The following SMIM28 variants were observed in gnomAD, a reference collection of about 807,000 sequenced individuals.
The protein encoded by SMIM28 is small integral membrane protein 28.
intron 1 of SMIM28, among the ~76,000 whole-genome samples, chr6:138,379,272 T>C (rs1024876943): frequency 6.6e-6 from 1 of 152,202 alleles, no homozygotes; most frequent in South Asian, 2.1e-4. Flanking sequence ...CTAATGCCAC[T>C]TGCTATGTGG....
At chr6:138,381,750 A>T (rs995391620) in intron 1 of SMIM28, among the ~76,000 whole-genome samples, 1 of 152,214 alleles carries the variant, frequency 6.6e-6, no homozygotes, top group Non-Finnish European at 1.5e-5. Context: ...TTTGTTCCAG[A>T]ATTAAAGAAC....
chr6:138,382,629 C>T lies in SMIM28; in HGVS notation c.241C>T (p.Pro81Ser), dbSNP rs922244922. ...GTACCGCCGCTGCAAGTCCCCACCGCCCCAGGGGCAGGTGTTCAGCATTGA... is the reference window on the plus strand; with the variant it reads ...GTACCGCCGCTGCAAGTCCCCACCGTCCCAGGGGCAGGTGTTCAGCATTGA... ...FLYRRCKSPP[P>S]QGQVFSIDLP... is the part of the protein sequence containing the mutation. The change falls in exon 2 of 2, where the codon CCC (proline) becomes TCC (serine). Residue 81 changes from proline to serine, a missense_variant. Pro to Ser is a moderately conservative substitution (Grantham distance 74). Transcript: ENST00000573100. 5.0e-6 allele frequency: 2 copies of T among 398,630 alleles called. No homozygotes were observed. The highest frequency in any genetic ancestry group is 2.1e-5 in the African/African-American group (1 of 48,554). 24.7% of individuals were successfully genotyped at this position (398,630 alleles called of 1,614,324 possible). A position where few individuals can be genotyped will look rare whatever the true frequency, so the allele number is the denominator to read the frequency against.
chr6:138,383,099 A>G lies in SMIM28; in HGVS notation c.*252A>G, dbSNP rs2114744583. On this transcript the variant is annotated 3_prime_UTR_variant, in exon 2 of 2. Coordinates refer to ENST00000573100, the MANE Select transcript of SMIM28 (RefSeq NM_001368163.3). ...AGTTTCCCAGGTTCTTCTAAAGATG[A>G]CTGCACTCTCCTAAAATGTATAACA... 1 of 319,512 alleles carries G rather than the reference A, an allele frequency of 3.1e-6. No individual in the cohort carries two copies. Among genetic ancestry groups the G allele is most frequent in the Non-Finnish European group, 5.7e-6 (1 of 176,676 alleles). The allele number at this position is 319,512 out of a possible 1,614,324, so 19.8% of individuals were successfully genotyped here. A position where few individuals can be genotyped will look rare whatever the true frequency, so the allele number is the denominator to read the frequency against.
Position 138,377,974 on chromosome 6 carries a change from C to A in SMIM28, c.-99C>A. 1 of 397,392 alleles carries A rather than the reference C, an allele frequency of 2.5e-6. No individual in the cohort carries two copies. Among genetic ancestry groups the A allele is most frequent in the Non-Finnish European group, 4.4e-6 (1 of 225,742 alleles). The allele number at this position is 397,392 out of a possible 1,614,324, so 24.6% of individuals were successfully genotyped here. Reference sequence around the variant, plus strand: ...GACGAGTTTACCAACAGCCATCAGCCAAGCACATCCAAACTGGATCCAGGC... The same window carrying A: ...GACGAGTTTACCAACAGCCATCAGCAAAGCACATCCAAACTGGATCCAGGC... On this transcript the variant is annotated 5_prime_UTR_variant, in exon 1 of 2. Transcript: ENST00000573100.
rs1468866552 is a variant in SMIM28 at position 138,382,926 on chromosome 6, A to T, written c.*79A>T. On this transcript the variant is annotated 3_prime_UTR_variant, in exon 2 of 2. Coordinates refer to ENST00000573100, the MANE Select transcript of SMIM28 (RefSeq NM_001368163.3). ...CAAAACACAGCTCTCCACCTTTAAT[A>T]CAGCACCCATGAGAAGAGGGAGAAG... The T allele has an allele frequency of 1.3e-5, 5 of 397,322 alleles. No homozygotes were observed. The highest frequency in any genetic ancestry group is 2.2e-5 in the Non-Finnish European group (5 of 225,706). 24.6% of individuals were successfully genotyped at this position (397,322 alleles called of 1,614,324 possible).
chr6:138,383,116 T>G lies in SMIM28; in HGVS notation c.*269T>G, dbSNP rs1271434144. The G allele has an allele frequency of 1.1e-5, 3 of 283,864 alleles. No homozygotes were observed. Among genetic ancestry groups the G allele is most frequent in the African/African-American group, 2.2e-5 (1 of 45,204 alleles). The allele number at this position is 283,864 out of a possible 1,614,324, so 17.6% of individuals were successfully genotyped here. A position where few individuals can be genotyped will look rare whatever the true frequency, so the allele number is the denominator to read the frequency against. On this transcript the variant is annotated 3_prime_UTR_variant, in exon 2 of 2. Transcript: ENST00000573100. ...TAAAGATGACTGCACTCTCCTAAAA[T>G]GTATAACACTCCTGAGAAAAAAAGG...
rs1006212203 is a variant in SMIM28, at chr6:138,382,906, C to G, written c.*59C>G. ...AACTGCTCTTGGGAATCATACAAAA[C>G]ACAGCTCTCCACCTTTAATACAGCA... On this transcript the variant is annotated 3_prime_UTR_variant, in exon 2 of 2. Transcript: ENST00000573100. 7.5e-6 allele frequency: 3 copies of G among 398,366 alleles called. No homozygotes were observed. In the East Asian group the frequency reaches 1.1e-4, roughly 14 times the overall value. The allele number at this position is 398,366 out of a possible 1,614,324, so 24.7% of individuals were successfully genotyped here. A position where few individuals can be genotyped will look rare whatever the true frequency, so the allele number is the denominator to read the frequency against.
intron 1 of SMIM28, among the ~76,000 whole-genome samples, chr6:138,378,898 GA>G (rs563557010): frequency 6.6e-6 from 1 of 152,042 alleles, no homozygotes; most frequent in African/African-American, 2.4e-5. Context: ...ACATTTTACA[GA>G]AAAAAATACA....
chr6:138,378,046 T>C lies in SMIM28; in HGVS notation c.-27T>C. 5.0e-6 allele frequency: 2 copies of C among 398,706 alleles called. No homozygotes were observed. Among genetic ancestry groups the C allele is most frequent in the Non-Finnish European group, 8.8e-6 (2 of 226,240 alleles). 24.7% of individuals were successfully genotyped at this position (398,706 alleles called of 1,614,324 possible). On this transcript the variant is annotated 5_prime_UTR_variant, in exon 1 of 2. Coordinates refer to ENST00000573100, the MANE Select transcript of SMIM28 (RefSeq NM_001368163.3). Reference sequence around the variant, plus strand: ...AAATCTGGGCAGCAAGGTGGAAGGGTGGCCAGGGCATCAGCTGGATGAAAA... The same window carrying C: ...AAATCTGGGCAGCAAGGTGGAAGGGCGGCCAGGGCATCAGCTGGATGAAAA...
Position 138,378,177 on chromosome 6 carries a change from G to C in SMIM28, c.105G>C (p.Gln35His), listed in dbSNP as rs1329568725. The C allele has an allele frequency of 2.5e-6, 1 of 398,552 alleles. No individual in the cohort carries two copies. Among genetic ancestry groups the C allele is most frequent in the African/African-American group, 2.1e-5 (1 of 48,640 alleles). 24.7% of individuals were successfully genotyped at this position (398,552 alleles called of 1,614,324 possible). ...SEPGLPLLET[Q>H]LQGTQGVSST... The stretch of plus-strand genomic sequence containing the variant: ...CCGGCCTGCCTCTCCTGGAGACCCA[G>C]CTGCAGGTCTGTACTTATGACTTAA... Residue 35 changes from glutamine to histidine, a missense_variant, in exon 1 of 2, where the codon CAG becomes CAC. By Grantham distance (24) the Gln-to-His change is conservative. Transcript: ENST00000573100.
Position 138,383,145 on chromosome 6 carries a change from G to T in SMIM28, c.*298G>T. On this transcript the variant is annotated 3_prime_UTR_variant, in exon 2 of 2. Coordinates refer to ENST00000573100, the MANE Select transcript of SMIM28 (RefSeq NM_001368163.3). ...TAACACTCCTGAGAAAAAAAGGAAA[G>T]TTCTATGTGAGTTGAAAAAAAAAAA... 2 of 195,274 alleles carry T rather than the reference G, an allele frequency of 1.0e-5. No individual in the cohort carries two copies. Among genetic ancestry groups the T allele is most frequent in the Non-Finnish European group, 2.0e-5 (2 of 98,486 alleles). 12.1% of individuals were successfully genotyped at this position (195,274 alleles called of 1,614,324 possible). A position where few individuals can be genotyped will look rare whatever the true frequency, so the allele number is the denominator to read the frequency against.
chr6:138,383,170 A>C lies in SMIM28; in HGVS notation c.*323A>C, dbSNP rs1458228266. ...GTTCTATGTGAGTTGAAAAAAAAAA[A>C]AACACTTAATTACTAATGAGCACAG... On this transcript the variant is annotated 3_prime_UTR_variant, in exon 2 of 2. Coordinates refer to ENST00000573100, the MANE Select transcript of SMIM28 (RefSeq NM_001368163.3). The C allele has an allele frequency of 5.4e-6, 1 of 183,882 alleles. No homozygotes were observed. Among genetic ancestry groups the C allele is most frequent in the Non-Finnish European group, 1.1e-5 (1 of 89,658 alleles). The allele number at this position is 183,882 out of a possible 1,614,324, so 11.4% of individuals were successfully genotyped here. A position where few individuals can be genotyped will look rare whatever the true frequency, so the allele number is the denominator to read the frequency against.
chr6:138,380,854 AAAATC>A (rs1774304539), intron 1 of SMIM28, among the ~76,000 whole-genome samples: 1 of 152,156 alleles, frequency 6.6e-6, no homozygotes, highest in South Asian at 2.1e-4. Context: ...CCTTTCCACC[AAAATC>A]AAGGAGTGAA....
At chr6:138,378,466 A>G (rs1464283827) in intron 1 of SMIM28, among the ~76,000 whole-genome samples, 1 of 152,214 alleles carries the variant, frequency 6.6e-6, no homozygotes, top group Non-Finnish European at 1.5e-5. Flanking sequence ...CAGTCAACAG[A>G]GGTGTTACAA....
rs1038176179 is a variant in SMIM28 at position 138,378,051 on chromosome 6, A to C, written c.-22A>C. 14 of 398,786 alleles carry C rather than the reference A, an allele frequency of 3.5e-5. No individual in the cohort carries two copies. Among genetic ancestry groups the C allele is most frequent in the Non-Finnish European group, 6.2e-5 (14 of 226,286 alleles). The allele number at this position is 398,786 out of a possible 1,614,324, so 24.7% of individuals were successfully genotyped here. A position where few individuals can be genotyped will look rare whatever the true frequency, so the allele number is the denominator to read the frequency against. ...TGGGCAGCAAGGTGGAAGGGTGGCC[A>C]GGGCATCAGCTGGATGAAAACATGC... On this transcript the variant is annotated 5_prime_UTR_variant, in exon 1 of 2. Transcript: ENST00000573100.
chr6:138,381,618 CA>C (rs1188045091), intron 1 of SMIM28, among the ~76,000 whole-genome samples: 1 of 152,098 alleles, frequency 6.6e-6, no homozygotes, highest in African/African-American at 2.4e-5. Context: ...ACAAGTTTTA[CA>C]AAAACAAATT....
chr6:138,380,095 C>G (rs564105851), intron 1 of SMIM28, among the ~76,000 whole-genome samples: 51 of 152,230 alleles, frequency 3.4e-4, no homozygotes, highest in African/African-American at 1.0e-3. Context: ...TATATAAGTA[C>G]TATCACCAAG....
intron 1 of SMIM28, among the ~76,000 whole-genome samples, chr6:138,378,797 C>A (rs1031137209): frequency 6.6e-6 from 1 of 151,990 alleles, no homozygotes; most frequent in Non-Finnish European, 1.5e-5. Context: ...TGAGTGACAC[C>A]GCCGACAACA....
In SMIM28 at chr6:138,382,778, G is replaced by A. The variant is rs1327587511; in HGVS notation, c.390G>A (p.Pro130=). ...CCACTCTCCCCTCCCAGTGTTTACC[G>A]CCCTCCTACGAAGAGGCCACCAGAA... The part of the protein sequence containing the change: ...PEATLPSQCL[P]PSYEEATRNP... The change falls in exon 2 of 2, where the codon CCG becomes CCA. Residue 130 remains proline, a synonymous_variant. Transcript: ENST00000573100. 25 of 398,550 alleles carry A rather than the reference G, an allele frequency of 6.3e-5. No homozygotes were observed. The South Asian group carries it at 2.2e-3, about 35-fold the overall frequency. The allele number at this position is 398,550 out of a possible 1,614,324, so 24.7% of individuals were successfully genotyped here. A position where few individuals can be genotyped will look rare whatever the true frequency, so the allele number is the denominator to read the frequency against.
Sources: allele counts gnomAD v4.1 joint callset (sites outside exome capture counted in the v4.1 genomes callset), GRCh38; gene constraint gnomAD v4.1.1; transcripts MANE v1.5; gene names NCBI Gene and HGNC (gene_info 2026-07-23, HGNC 2026-07-21).